SNX14: variants seen among roughly 807,000 people sequenced by gnomAD.
The protein encoded by SNX14 is sorting nexin-14.
A neutral mutation model predicts 133.8 loss-of-function variants in SNX14; 93 were observed. That is an observed-to-expected ratio of 0.70 (90% confidence interval 0.59 to 0.83). The LOEUF (loss-of-function observed/expected upper bound fraction) is 0.83. SNX14 is among the 40% of genes least tolerant of loss of function. The pLI is 0.00. For synonymous variants in SNX14, 368 were observed against 365.6 expected, an observed-to-expected ratio of 1.01 and a Z score of -0.07; for missense variants, 945 against 1,094.9, an observed-to-expected ratio of 0.86 and a Z score of 1.93.
rs73481323 is a variant in SNX14 at position 85,507,361 on chromosome 6, A to G, written c.2746-72T>C. On this transcript the variant is annotated intron_variant, in intron 27 of 28. Coordinates refer to ENST00000314673, the MANE Select transcript of SNX14 (RefSeq NM_153816.6). ...CAAAAACCATAAAAATGATACACAC[A>G]AAATTAAAGATTGTGGTTACCTCTA... 6,247 of 1,276,652 alleles carry G rather than the reference A, an allele frequency of 4.9e-3. 275 individuals are homozygous for G. In the African/African-American group the frequency reaches 0.083, roughly 17 times the overall value. 79.1% of individuals were successfully genotyped at this position (1,276,652 alleles called of 1,614,324 possible). A position where few individuals can be genotyped will look rare whatever the true frequency, so the allele number is the denominator to read the frequency against.
chr6:85,510,303 G>C (rs964177749), intron 26 of SNX14, among the ~76,000 whole-genome samples: 3 of 152,196 alleles, frequency 2.0e-5, no homozygotes, highest in Non-Finnish European at 4.4e-5. Flanking sequence ...GGTGGTGTTG[G>C]TGTTCTGGAT....
In SNX14 at chr6:85,526,174, C is replaced by T; in HGVS notation, c.2059G>A (p.Gly687Ser). The T allele has an allele frequency of 6.2e-7, 1 of 1,608,270 alleles. No individual in the cohort carries two copies. Among genetic ancestry groups the T allele is most frequent in the South Asian group, 1.1e-5 (1 of 89,986 alleles). The change falls in exon 21 of 29, where the codon GGT (glycine) becomes AGT (serine). Residue 687 changes from glycine (G) to serine (S), a missense_variant. Physicochemically the swap from Gly to Ser is moderately conservative, Grantham distance 56 (BLOSUM62 0). This residue lies in a region of SNX14 where 412 missense variants were observed against 516.6 expected (regional missense o/e 0.80). Transcript: ENST00000314673. ...TTATCAAGAAATTGTGTTTCCCCAC[C>T]ATTAGGGGAAAGAAAGTCTGCCAGA... ...QLLADFLSPN[G>S]GETQFLDKIL...
chr6:85,587,022 G>C (rs1350696268), intron 1 of SNX14, among the ~76,000 whole-genome samples: 2 of 152,026 alleles, frequency 1.3e-5, no homozygotes, highest in African/African-American at 4.8e-5. Context: ...CTCCAGCCTA[G>C]GTGACAAAGT....
chr6:85,532,949 C>T (rs951350156), intron 18 of SNX14, among the ~76,000 whole-genome samples: 6 of 152,050 alleles, frequency 3.9e-5, no homozygotes, highest in African/African-American at 7.2e-5. Context: ...TGCAGTCACA[C>T]GATCTCGACT....
At chr6:85,566,404 A>C (rs1475920816) in intron 5 of SNX14, among the ~76,000 whole-genome samples, 1 of 150,228 alleles carries the variant, frequency 6.7e-6, no homozygotes, top group Non-Finnish European at 1.5e-5. Flanking sequence ...TTTTTTTTTT[A>C]ATTAGAAATT....
intron 7 of SNX14, 39 bp from the exon 8 acceptor site, chr6:85,549,918 G>T: frequency 6.5e-7 from 1 of 1,545,382 alleles, no homozygotes; most frequent in South Asian, 1.2e-5. Flanking sequence ...CAAGTTAAGT[G>T]ACATTAAATA....
At chr6:85,517,332 A>G (rs1161451291) in intron 23 of SNX14, among the ~76,000 whole-genome samples, 1 of 152,234 alleles carries the variant, frequency 6.6e-6, no homozygotes, top group African/African-American at 2.4e-5. Flanking sequence ...TTATATTCCC[A>G]GTGCCTAGCA....
intron 1 of SNX14, chr6:85,581,574 T>G (rs1458780417): frequency 6.6e-6 from 1 of 152,134 alleles, no homozygotes; most frequent in Non-Finnish European, 1.5e-5. Flanking sequence ...AATAGCTGTA[T>G]TAAGAAAACT....
chr6:85,547,313 T>C lies in SNX14; in HGVS notation c.993+4A>G. On this transcript the variant is annotated splice_donor_region_variant and intron_variant, in intron 11 of 28. Coordinates refer to ENST00000314673, the MANE Select transcript of SNX14 (RefSeq NM_153816.6). The stretch of plus-strand genomic sequence containing the variant: ...AAAAAGGTGTTATTGCTGAAAATTC[T>C]TACAGATGGCTTTTTATTTCTAGGT... The C allele has an allele frequency of 1.2e-6, 2 of 1,613,398 alleles. No homozygotes were observed. Among genetic ancestry groups the C allele is most frequent in the East Asian group, 2.2e-5 (1 of 44,850 alleles).
Position 85,533,679 on chromosome 6 carries a change from T to C in SNX14, c.1730A>G (p.Asp577Gly). The C allele has an allele frequency of 6.2e-7, 1 of 1,613,898 alleles. No homozygotes were observed. Among genetic ancestry groups the C allele is most frequent in the South Asian group, 1.1e-5 (1 of 91,084 alleles). The change falls in exon 18 of 29, where the codon GAT becomes GGT. Residue 577 changes from aspartate to glycine, a missense_variant. This residue lies in a region of SNX14 where 412 missense variants were observed against 516.6 expected (regional missense o/e 0.80). Transcript: ENST00000314673. ...TTTCTCCTTCCTTTCAGAGGAGGGA[T>C]CCTCAAAAAAGTCTACATATGGAAT... The part of the protein sequence containing the change: ...ISIPYVDFFE[D>G]PSSERKEKKE...
intron 9 of SNX14, 40 bp from the exon 10 acceptor site, chr6:85,547,590 T>A: frequency 6.9e-7 from 1 of 1,452,508 alleles, no homozygotes; most frequent in Non-Finnish European, 9.4e-7. Context: ...ATAATTCCAC[T>A]ACTGTATTCT....
chr6:85,548,737 G>A (rs926722133), intron 8 of SNX14, among the ~76,000 whole-genome samples: 13 of 152,108 alleles, frequency 8.5e-5, no homozygotes, highest in African/African-American at 3.1e-4. Context: ...GGGTGGCCGA[G>A]GCAGGGGGAT....
intron 7 of SNX14, among the ~76,000 whole-genome samples, chr6:85,551,983 T>TTC (rs1447446354): frequency 1.3e-5 from 2 of 152,096 alleles, no homozygotes; most frequent in Admixed American, 1.3e-4. Context: ...GCTTTTCCCT[T>TTC]TCTGCATTCT....
chr6:85,558,476 T>A (rs1446724825), intron 6 of SNX14, among the ~76,000 whole-genome samples: 1 of 152,170 alleles, frequency 6.6e-6, no homozygotes, highest in Non-Finnish European at 1.5e-5. Flanking sequence ...GGGTTTTTGT[T>A]GTTTTTTGAG....
At chr6:85,575,150 C>T (rs1028918631) in intron 1 of SNX14, among the ~76,000 whole-genome samples, 1 of 152,100 alleles carries the variant, frequency 6.6e-6, no homozygotes, top group Non-Finnish European at 1.5e-5. Context: ...AAAGCAAAAG[C>T]AGAAGCCAAA....
At position 85,565,387 on chromosome 6, in the gene SNX14, T is replaced by G; in HGVS notation, c.494A>C (p.Glu165Ala). ...AAAAAAACGTAATGTTATTCTCAGT[T>G]CATCAACAAAGGATTCATCATCTGT... is the stretch of plus-strand genomic sequence containing the variant. The part of the protein sequence containing the change: ...DVTDDESFVD[E>A]LRITLRFFAS... Residue 165 changes from glutamate to alanine, a missense_variant, in exon 6 of 29, where the codon GAA becomes GCA. Glu to Ala is a moderately radical substitution (Grantham distance 107). Transcript: ENST00000314673. 1 of 1,604,252 alleles carries G rather than the reference T, an allele frequency of 6.2e-7. No individual in the cohort carries two copies. The highest frequency in any genetic ancestry group is 8.5e-7 in the Non-Finnish European group (1 of 1,174,866).
rs774426592 is a variant in SNX14 at position 85,593,745 on chromosome 6, G to T, written c.-27C>A. ...TCCGTAACGGCGAGGCCGAGACTGC[G>T]CTACTGGCTGAGGCAGAGGTCAAGG... On this transcript the variant is annotated 5_prime_UTR_variant, in exon 1 of 29. Coordinates refer to ENST00000314673, the MANE Select transcript of SNX14 (RefSeq NM_153816.6). The T allele has an allele frequency of 1.9e-6, 3 of 1,612,582 alleles. No homozygotes were observed. In the African/African-American group the frequency reaches 4.0e-5, roughly 22 times the overall value.
intron 14 of SNX14, among the ~76,000 whole-genome samples, chr6:85,542,464 G>C (rs1310142153): frequency 6.6e-6 from 1 of 152,054 alleles, no homozygotes; most frequent in Non-Finnish European, 1.5e-5. Flanking sequence ...GTGCGATCTC[G>C]GCTCACTGCA....
Position 85,513,829 on chromosome 6 carries a change from G to A in SNX14, c.2624C>T (p.Thr875Ile). 6.2e-7 allele frequency: 1 copy of A among 1,612,592 alleles called. No homozygotes were observed. The highest frequency in any genetic ancestry group is 8.5e-7 in the Non-Finnish European group (1 of 1,179,268). ...AATGTAATTCATCATTTCTTCAAAA[G>A]TCTGTTTTGCTCCTTTTTGCTTATC... ...LQDKQKGAKQ[T>I]FEEMMNYIPD... The change falls in exon 26 of 29, where the codon ACT becomes ATT. Residue 875 changes from threonine (T) to isoleucine (I), a missense_variant. Coordinates refer to ENST00000314673, the MANE Select transcript of SNX14 (RefSeq NM_153816.6).
Sources: allele counts gnomAD v4.1 joint callset (sites outside exome capture counted in the v4.1 genomes callset), GRCh38; gene constraint gnomAD v4.1.1; regional missense constraint gnomAD v4.1.1; transcripts MANE v1.5; gene names NCBI Gene and HGNC (gene_info 2026-07-23, HGNC 2026-07-21).